Variants in KRT77 observed in about 807,000 individuals in gnomAD.
KRT77 encodes keratin 77.
In KRT77, 44 loss-of-function variants were observed where a neutral mutation model predicts 51.5. That is an observed-to-expected ratio of 0.85 (90% confidence interval 0.67 to 1.10). The LOEUF is 1.10. Ranked by LOEUF, KRT77 falls within the 50% of genes least tolerant of loss-of-function variation. KRT77 has a pLI of 0.00. For synonymous variants in KRT77, 293 were observed against 302.0 expected (o/e 0.97, Z 0.31); for missense variants, 763 against 743.9 (o/e 1.03, Z -0.30).
chr12:52,697,728 C>A lies in KRT77; in HGVS notation c.712G>T (p.Ala238Ser), dbSNP rs377759755. Reference sequence around the variant, plus strand: ...ACATCCTGCATGCTCCTGACCTCCGCGTTCTGGCGCATCTGCTCCGCACTG... The same window carrying A: ...ACATCCTGCATGCTCCTGACCTCCGAGTTCTGGCGCATCTGCTCCGCACTG... ...LLSAEQMRQN[A>S]EVRSMQDVVE... The change falls in exon 2 of 9, where the codon GCG becomes TCG. Residue 238 changes from alanine to serine, a missense_variant. By Grantham distance (99) the Ala-to-Ser change is moderately conservative. Transcript: ENST00000341809. The A allele has an allele frequency of 6.2e-7, 1 of 1,614,024 alleles. No individual in the cohort carries two copies.
At position 52,691,034 on chromosome 12, in the gene KRT77, G is replaced by T; in HGVS notation, c.*131C>A. The T allele has an allele frequency of 1.5e-6, 2 of 1,366,242 alleles. No individual in the cohort carries two copies. The highest frequency in any genetic ancestry group is 1.0e-6 in the Non-Finnish European group (1 of 980,442). 84.6% of individuals were successfully genotyped at this position (1,366,242 alleles called of 1,614,324 possible). On this transcript the variant is annotated 3_prime_UTR_variant, in exon 9 of 9. Coordinates refer to ENST00000341809, the MANE Select transcript of KRT77 (RefSeq NM_175078.3). ...CCACCCTGCTTCCCCCATTAGAGTCGAATTTATTGGCAAAATTGCTGAGAC... is the reference window on the plus strand; with the variant it reads ...CCACCCTGCTTCCCCCATTAGAGTCTAATTTATTGGCAAAATTGCTGAGAC...
At chr12:52,694,077 C>T (rs1440701085) in intron 5 of KRT77, among the ~76,000 whole-genome samples, 1 of 151,228 alleles carries the variant, frequency 6.6e-6, no homozygotes, top group Non-Finnish European at 1.5e-5. Flanking sequence ...TTAATAGATA[C>T]CATTATGAAA....
intron 5 of KRT77, among the ~76,000 whole-genome samples, chr12:52,694,087 A>G (rs1941756586): frequency 6.6e-6 from 1 of 152,052 alleles, no homozygotes; most frequent in African/African-American, 2.4e-5. Context: ...CCATTATGAA[A>G]AAAGAATAAA....
chr12:52,699,050 C>A (rs1418658242), intron 1 of KRT77, among the ~76,000 whole-genome samples: 1 of 152,186 alleles, frequency 6.6e-6, no homozygotes, highest in Non-Finnish European at 1.5e-5. Flanking sequence ...TGTTTGCAGA[C>A]AACACAACCT....
intron 1 of KRT77, among the ~76,000 whole-genome samples, chr12:52,702,189 C>T (rs543111017): frequency 3.9e-5 from 6 of 152,304 alleles, no homozygotes; most frequent in Admixed American, 1.3e-4. Context: ...AGAGTACTAC[C>T]CCTATTGACA....
chr12:52,700,834 C>T (rs182793002), intron 1 of KRT77, among the ~76,000 whole-genome samples: 3 of 152,244 alleles, frequency 2.0e-5, no homozygotes, highest in South Asian at 2.1e-4. Context: ...GGAGGAGTGT[C>T]GTGACATGCT....
chr12:52,692,954 G>C, intron 5 of KRT77, 74 bp from the exon 6 acceptor site: 2 of 1,527,560 alleles, frequency 1.3e-6, no homozygotes, highest in East Asian at 4.5e-5. Flanking sequence ...GTAGGTCTGG[G>C]CTGCTCTCCC....
chr12:52,702,546 GTGTGTGTT>G (rs770005021), intron 1 of KRT77, among the ~76,000 whole-genome samples: 2,962 of 84,496 alleles, frequency 0.035, 87 homozygotes, highest in Middle Eastern at 0.1. Flanking sequence ...GTGTGTGTGT[GTGTGTGTT>G]TGTGTGTGTG....
chr12:52,702,404 C>T (rs1361221504), intron 1 of KRT77, among the ~76,000 whole-genome samples: 2 of 150,568 alleles, frequency 1.3e-5, no homozygotes, highest in African/African-American at 2.5e-5. Flanking sequence ...CAGATGAACA[C>T]GTGTGTGTGT....
intron 3 of KRT77, 69 bp from the exon 4 acceptor site, chr12:52,695,936 C>T (rs958882042): frequency 9.9e-7 from 1 of 1,009,466 alleles, no homozygotes; most frequent in Non-Finnish European, 1.6e-6. Context: ...CACTGGCTGG[C>T]TCAGGCGAGT....
At chr12:52,694,561 T>C in intron 5 of KRT77, 65 bp downstream of exon 5, 5 of 1,440,048 alleles carry the variant, frequency 3.5e-6, no homozygotes, top group Non-Finnish European at 4.7e-6. Context: ...GACAATGCAA[T>C]AAGAGAAAGA....
intron 1 of KRT77, among the ~76,000 whole-genome samples, chr12:52,699,917 T>C (rs1330693252): frequency 6.6e-6 from 1 of 152,086 alleles, no homozygotes; most frequent in Admixed American, 6.5e-5. Flanking sequence ...AGACAAAAAG[T>C]GTCATGCACT....
intron 4 of KRT77, 68 bp from the exon 5 acceptor site, chr12:52,694,858 C>T: frequency 7.1e-7 from 1 of 1,399,990 alleles, no homozygotes; most frequent in South Asian, 1.6e-5. Flanking sequence ...TCCTCTGCTG[C>T]TCCCTCAAGG....
Position 52,690,926 on chromosome 12 carries a change from G to A in KRT77, c.*239C>T. 5 of 600,540 alleles carry A rather than the reference G, an allele frequency of 8.3e-6. No individual in the cohort carries two copies. The highest frequency in any genetic ancestry group is 8.1e-5 in the South Asian group (4 of 49,484). The allele number at this position is 600,540 out of a possible 1,614,324, so 37.2% of individuals were successfully genotyped here. A position where few individuals can be genotyped will look rare whatever the true frequency, so the allele number is the denominator to read the frequency against. On this transcript the variant is annotated 3_prime_UTR_variant, in exon 9 of 9. Coordinates refer to ENST00000341809, the MANE Select transcript of KRT77 (RefSeq NM_175078.3). ...GGAACAGCAGCAGGGCCAGCAGAGCGGGGTCTGAGTGAGAATGTGCCTAGC... is the reference window on the plus strand; with the variant it reads ...GGAACAGCAGCAGGGCCAGCAGAGCAGGGTCTGAGTGAGAATGTGCCTAGC...
In KRT77 at chr12:52,691,028, A is replaced by G; in HGVS notation, c.*137T>C. ...ACTTATCCACCCTGCTTCCCCCATT[A>G]GAGTCGAATTTATTGGCAAAATTGC... is the stretch of plus-strand genomic sequence containing the variant. On this transcript the variant is annotated 3_prime_UTR_variant, in exon 9 of 9. Transcript: ENST00000341809. The G allele has an allele frequency of 1.6e-6, 2 of 1,230,340 alleles. No individual in the cohort carries two copies. The highest frequency in any genetic ancestry group is 2.3e-6 in the Non-Finnish European group (2 of 859,752). 76.2% of individuals were successfully genotyped at this position (1,230,340 alleles called of 1,614,324 possible).
chr12:52,691,897 G>C, intron 8 of KRT77, 41 bp downstream of exon 8: 1 of 1,612,590 alleles, frequency 6.2e-7, no homozygotes, highest in Non-Finnish European at 8.5e-7. Context: ...CCTCCACCCA[G>C]CACCACCAGC....
chr12:52,691,424 T>C lies in KRT77; in HGVS notation c.1478A>G (p.Gln493Arg). 6.3e-7 allele frequency: 1 copy of C among 1,593,256 alleles called. No individual in the cohort carries two copies. Among genetic ancestry groups the C allele is most frequent in the Non-Finnish European group, 8.5e-7 (1 of 1,174,450 alleles). Residue 493 changes from glutamine (Q) to arginine (R), a missense_variant, in exon 9 of 9, where the codon CAG becomes CGG. By Grantham distance (43) the Gln-to-Arg change is conservative. Transcript: ENST00000341809. Reference sequence around the variant, plus strand: ...TCCCGCGCCGCCGTTGACGCTCACCTGGCTGTTCTGCACGGCTGTGGGTAG... The same window carrying C: ...TCCCGCGCCGCCGTTGACGCTCACCCGGCTGTTCTGCACGGCTGTGGGTAG... ...SHVSISVQNS[Q>R]VSVNGGAGGG...
intron 2 of KRT77, 103 bp downstream of exon 2, chr12:52,697,579 C>G: frequency 5.3e-6 from 1 of 187,334 alleles, no homozygotes; most frequent in Non-Finnish European, 1.0e-5. Context: ...CCTGCATGCC[C>G]CGCCCCCCAC....
intron 8 of KRT77, 108 bp downstream of exon 8, chr12:52,691,830 G>A: frequency 1.6e-6 from 2 of 1,280,004 alleles, no homozygotes; most frequent in Non-Finnish European, 2.3e-6. Flanking sequence ...CTATTGCACA[G>A]GACTGGAAGC....
Sources: allele counts gnomAD v4.1 joint callset (sites outside exome capture counted in the v4.1 genomes callset), GRCh38; gene constraint gnomAD v4.1.1; transcripts MANE v1.5; gene names NCBI Gene and HGNC (gene_info 2026-07-23, HGNC 2026-07-21).